SNTG1: variants seen among roughly 807,000 people sequenced by gnomAD.
SNTG1 encodes syntrophin gamma 1, also known as gamma-1-syntrophin.
SNTG1 carries 39 observed loss-of-function variants against 74.7 expected under a neutral mutation model. That is an observed-to-expected ratio of 0.52 (90% CI 0.40 to 0.68). SNTG1 has a LOEUF of 0.68. Ranked by LOEUF, SNTG1 falls within the 30% of genes least tolerant of loss-of-function variation. SNTG1 has a pLI of 0.00. For synonymous variants in SNTG1, 254 were observed against 217.1 expected (o/e 1.17, Z -1.49); for missense variants, 685 against 609.5 (o/e 1.12, Z -1.30).
chr8:50,442,680 TA>T (rs5891365), intron 5 of SNTG1, among the ~76,000 whole-genome samples: 5,123 of 81,044 alleles, frequency 0.063, 427 homozygotes, highest in African/African-American at 0.21. Context: ...TGTCTATCAG[TA>T]AAAAAAAAAA....
intron 17 of SNTG1, among the ~76,000 whole-genome samples, chr8:50,713,357 T>C (rs1284000577): frequency 6.6e-6 from 1 of 152,198 alleles, no homozygotes; most frequent in Non-Finnish European, 1.5e-5. Context: ...TTGTTTGTTT[T>C]TTTCTCTCAA....
intron 1 of SNTG1, among the ~76,000 whole-genome samples, chr8:49,939,229 G>T (rs374676738): frequency 1.3e-5 from 2 of 151,850 alleles, no homozygotes; most frequent in African/African-American, 4.8e-5. Context: ...TAACTTTACC[G>T]TTCTAATGGG....
intron 12 of SNTG1, among the ~76,000 whole-genome samples, chr8:50,583,369 C>T (rs2130831575): frequency 6.9e-6 from 1 of 143,916 alleles, no homozygotes; most frequent in East Asian, 2.1e-4. Context: ...ACTACTGCCT[C>T]CAGCCTGGGC....
At chr8:50,619,909 A>AG (rs2094910591) in intron 13 of SNTG1, among the ~76,000 whole-genome samples, 1 of 146,460 alleles carries the variant, frequency 6.8e-6, no homozygotes, top group Admixed American at 6.8e-5. Context: ...GCATGTCTGC[A>AG]GAAAAAAAAA....
intron 1 of SNTG1, among the ~76,000 whole-genome samples, chr8:49,960,976 A>G (rs1810630777): frequency 1.3e-5 from 2 of 152,198 alleles, no homozygotes; most frequent in Non-Finnish European, 2.9e-5. Context: ...TTACCTGTAT[A>G]GGAAAATGTG....
At chr8:50,701,586 C>CTCTTCTTCTTCT (rs5891382) in intron 15 of SNTG1, among the ~76,000 whole-genome samples, 1 of 145,312 alleles carries the variant, frequency 6.9e-6, no homozygotes, top group African/African-American at 2.7e-5. Context: ...CTTTTTCTTC[C>CTCTTCTTCTTCT]TCTTCTTCTT....
At chr8:50,237,577 T>C (rs2085970074) in intron 2 of SNTG1, among the ~76,000 whole-genome samples, 1 of 152,164 alleles carries the variant, frequency 6.6e-6, no homozygotes, top group South Asian at 2.1e-4. Context: ...TGCTCAATTA[T>C]TTATCTCTAC....
At chr8:49,986,927 G>A (rs1813219783) in intron 1 of SNTG1, among the ~76,000 whole-genome samples, 1 of 152,244 alleles carries the variant, frequency 6.6e-6, no homozygotes, top group East Asian at 1.9e-4. Context: ...ATCTGGGTAT[G>A]GAGAAGAAAA....
chr8:50,759,506 C>T (rs973544264), intron 18 of SNTG1, among the ~76,000 whole-genome samples: 11 of 151,976 alleles, frequency 7.2e-5, no homozygotes, highest in African/African-American at 2.7e-4. Context: ...AGAAGGGGTC[C>T]AGTTTCAGTT....
chr8:50,664,972 T>C (rs1174598022), intron 15 of SNTG1, among the ~76,000 whole-genome samples: 4 of 152,210 alleles, frequency 2.6e-5, no homozygotes, highest in Non-Finnish European at 4.4e-5. Flanking sequence ...CAACTGCCTG[T>C]TTCAGAGCTA....
At chr8:50,015,621 C>T (rs888925909) in intron 1 of SNTG1, among the ~76,000 whole-genome samples, 1 of 152,156 alleles carries the variant, frequency 6.6e-6, no homozygotes, top group African/African-American at 2.4e-5. Flanking sequence ...CACAAGGGAG[C>T]CTTAATATCA....
intron 2 of SNTG1, among the ~76,000 whole-genome samples, chr8:50,233,400 AG>A: frequency 6.6e-6 from 1 of 151,874 alleles, no homozygotes; most frequent in Non-Finnish European, 1.5e-5. Flanking sequence ...CTCATGTAAA[AG>A]AAAAAAATAA....
chr8:50,393,464 T>C (rs1467054814), intron 2 of SNTG1, among the ~76,000 whole-genome samples: 1 of 152,204 alleles, frequency 6.6e-6, no homozygotes, highest in African/African-American at 2.4e-5. Flanking sequence ...CCATTATATT[T>C]TGGCTCTGCA....
intron 13 of SNTG1, among the ~76,000 whole-genome samples, chr8:50,642,715 T>G (rs1440500295): frequency 1.3e-5 from 2 of 152,184 alleles, no homozygotes; most frequent in African/African-American, 4.8e-5. Flanking sequence ...GCAGCTACAA[T>G]TTCAGCCCTT....
At chr8:50,309,639 A>T (rs1386093429) in intron 2 of SNTG1, among the ~76,000 whole-genome samples, 2 of 152,196 alleles carry the variant, frequency 1.3e-5, no homozygotes, top group Non-Finnish European at 2.9e-5. Context: ...GGTAACATTG[A>T]GGGCTGGAAC....
At chr8:50,527,702 TA>T (rs1256760459) in intron 9 of SNTG1, among the ~76,000 whole-genome samples, 1 of 152,070 alleles carries the variant, frequency 6.6e-6, no homozygotes, top group Non-Finnish European at 1.5e-5. Flanking sequence ...ATCATTTGGC[TA>T]TTCTACATCT....
chr8:50,395,003 C>G (rs1329081967), intron 3 of SNTG1, among the ~76,000 whole-genome samples: 1 of 151,996 alleles, frequency 6.6e-6, no homozygotes, highest in African/African-American at 2.4e-5. Flanking sequence ...CAAAAACCAA[C>G]CATAACTGCT....
At chr8:50,449,862 A>AAG in intron 6 of SNTG1, 137 bp downstream of exon 6, 1 of 705,300 alleles carries the variant, frequency 1.4e-6, no homozygotes, top group Non-Finnish European at 2.2e-6. Context: ...TTAGTGGCTG[A>AAG]GTCTGCTTCC....
At chr8:50,250,649 A>C (rs2086606570) in intron 2 of SNTG1, among the ~76,000 whole-genome samples, 1 of 152,260 alleles carries the variant, frequency 6.6e-6, no homozygotes. Context: ...CAGGAAAAAA[A>C]TTGATGACAT....
Sources: allele counts gnomAD v4.1 joint callset (sites outside exome capture counted in the v4.1 genomes callset), GRCh38; gene constraint gnomAD v4.1.1; transcripts MANE v1.5; gene names NCBI Gene and HGNC (gene_info 2026-07-23, HGNC 2026-07-21).